Variants in FBLIM1 observed in about 807,000 individuals in gnomAD.
The protein encoded by FBLIM1 is filamin-binding LIM protein 1.
FBLIM1 carries 29 observed loss-of-function variants against 37.4 expected under a neutral mutation model. That is an observed-to-expected ratio of 0.77 (90% CI 0.58 to 1.06). The LOEUF (loss-of-function observed/expected upper bound fraction) is 1.06. Ranked by LOEUF, FBLIM1 falls within the 50% of genes least tolerant of loss-of-function variation. The pLI is 0.00. For missense variants in FBLIM1, 449 were observed against 505.6 expected, an observed-to-expected ratio of 0.89 and a Z score of 1.07; for synonymous variants, 193 against 199.0, an observed-to-expected ratio of 0.97 and a Z score of 0.25.
At chr1:15,757,393 C>T (rs928386256), upstream of FBLIM1, among the ~76,000 whole-genome samples, 1 of 152,206 alleles carries the variant, frequency 6.6e-6, no homozygotes, top group Non-Finnish European at 1.5e-5. This position sits in a 1 kb window ranked among gnomAD's most constrained non-coding sequence, Gnocchi z 4.1. Flanking sequence ...CCCTGGTGCT[C>T]ATGGCTCTTG....
Position 15,774,663 on chromosome 1 carries a change from C to G in FBLIM1, c.757C>G (p.His253Asp), listed in dbSNP as rs2069402876. Residue 253 changes from histidine to aspartate, a missense_variant, in exon 7 of 9, where the codon CAC becomes GAC. Coordinates refer to ENST00000375766, the MANE Select transcript of FBLIM1 (RefSeq NM_017556.4). Reference protein sequence around the residue: ...CGKCGEVVRDHIIRALGQAFH... With the variant: ...CGKCGEVVRDDIIRALGQAFH... ...CAAGTGTGGCGAGGTGGTCCGGGAC[C>G]ACATCATCAGGGCCCTGGGCCAGGC... The G allele has an allele frequency of 6.2e-7, 1 of 1,614,048 alleles. No homozygotes were observed. Among genetic ancestry groups the G allele is most frequent in the African/African-American group, 1.3e-5 (1 of 75,040 alleles).
At chr1:15,774,017 C>T (rs1366919005) in intron 6 of FBLIM1, among the ~76,000 whole-genome samples, 1 of 152,096 alleles carries the variant, frequency 6.6e-6, no homozygotes, top group East Asian at 1.9e-4. Flanking sequence ...CACCTGTAGT[C>T]CCAGCTACTC....
chr1:15,774,821 G>A, intron 7 of FBLIM1, 25 bp downstream of exon 7: 2 of 1,614,042 alleles, frequency 1.2e-6, no homozygotes, highest in Non-Finnish European at 1.7e-6. Context: ...TGTGCACTGG[G>A]TGGGGTGCAG....
intron 7 of FBLIM1, among the ~76,000 whole-genome samples, chr1:15,775,881 C>T (rs1030203129): frequency 6.6e-6 from 1 of 152,056 alleles, no homozygotes; most frequent in Non-Finnish European, 1.5e-5. Context: ...GGATGGAGGG[C>T]AGGATTCTCC....
Position 15,767,566 on chromosome 1 carries a change from A to G in FBLIM1, c.438+3A>G. On this transcript the variant is annotated splice_donor_region_variant and intron_variant, in intron 4 of 8. Transcript: ENST00000375766. ...CCCCGCCCCCGCCCCCACCACAGGT[A>G]CTGCCTGCCCCCCGACCCCCAGCAA... 1 of 1,046,904 alleles carries G rather than the reference A, an allele frequency of 9.6e-7. No homozygotes were observed. The highest frequency in any genetic ancestry group is 1.3e-6 in the Non-Finnish European group (1 of 754,826). The allele number at this position is 1,046,904 out of a possible 1,614,324, so 64.9% of individuals were successfully genotyped here. A position where few individuals can be genotyped will look rare whatever the true frequency, so the allele number is the denominator to read the frequency against.
chr1:15,774,126 C>G (rs1365103055), intron 6 of FBLIM1, among the ~76,000 whole-genome samples: 3 of 152,312 alleles, frequency 2.0e-5, no homozygotes, highest in Middle Eastern at 6.8e-3. Flanking sequence ...GAGCGAGACT[C>G]TGTCCCAAAA....
chr1:15,770,578 G>C lies in FBLIM1; in HGVS notation c.711G>C (p.Gln237His). 2 of 1,613,428 alleles carry C rather than the reference G, an allele frequency of 1.2e-6. No homozygotes were observed. Among genetic ancestry groups the C allele is most frequent in the Non-Finnish European group, 1.7e-6 (2 of 1,179,698 alleles). The change falls in exon 6 of 9, where the codon CAG (glutamine) becomes CAC (histidine). Residue 237 changes from glutamine to histidine, a missense_variant and splice_region_variant. Transcript: ENST00000375766. Reference sequence around the variant, plus strand: ...GACCCCTCTGCGAACCCTGCTACCAGGTAACCCCTGCAGCAGACCTCTGGG... The same window carrying C: ...GACCCCTCTGCGAACCCTGCTACCACGTAACCCCTGCAGCAGACCTCTGGG... ...DGRPLCEPCY[Q>H]DTLERCGKCG...
At chr1:15,782,504 ACCGCACAG>A (rs1404390500) in intron 8 of FBLIM1, among the ~76,000 whole-genome samples, 3 of 151,820 alleles carry the variant, frequency 2.0e-5, no homozygotes, top group Non-Finnish European at 2.9e-5. Context: ...GGTTTCAGCC[ACCGCACAG>A]CTGCCTTGCA....
chr1:15,782,103 A>AT (rs940911576), intron 8 of FBLIM1, among the ~76,000 whole-genome samples: 1 of 151,612 alleles, frequency 6.6e-6, no homozygotes, highest in African/African-American at 2.4e-5. Flanking sequence ...GATGGGATTT[A>AT]TTGTCCCCAT....
chr1:15,769,150 G>GTA (rs977472958), intron 5 of FBLIM1, among the ~76,000 whole-genome samples: 5 of 151,988 alleles, frequency 3.3e-5, no homozygotes, highest in African/African-American at 1.2e-4. Flanking sequence ...TCTTTCCTTC[G>GTA]TACATCTCAG....
chr1:15,783,558 GA>G (rs1406732888), intron 8 of FBLIM1, among the ~76,000 whole-genome samples: 6 of 144,402 alleles, frequency 4.2e-5, no homozygotes, highest in Non-Finnish European at 9.1e-5. Flanking sequence ...CTGTCTCGTA[GA>G]ACTTACGTTC....
At chr1:15,758,429 C>T (rs2068498287), upstream of FBLIM1, 2 of 152,170 alleles carry the variant, frequency 1.3e-5, no homozygotes. The surrounding 1 kb of genome is among the most constrained non-coding windows in gnomAD (Gnocchi z 6.2). Context: ...ATGAAGAACG[C>T]GAGGGGATGG....
intron 3 of FBLIM1, among the ~76,000 whole-genome samples, chr1:15,766,336 A>C (rs2148513715): frequency 6.6e-6 from 1 of 151,850 alleles, no homozygotes. Context: ...TCGCTCTGTC[A>C]CCCAAGCAGG....
rs545666516 is a variant in FBLIM1 at position 15,762,106 on chromosome 1, C to T, written c.-210-2390C>T. ...TTTATGCTTTTCTTTTTTTTTTTTTCGAGACAGAGTTTCACTCTGTCACCT... is the reference window on the plus strand; with the variant it reads ...TTTATGCTTTTCTTTTTTTTTTTTTTGAGACAGAGTTTCACTCTGTCACCT... On this transcript the variant is annotated intron_variant, in intron 1 of 8. Transcript: ENST00000375766. Among the ~76,000 whole-genome samples the T allele has an allele frequency of 4.7e-3, 688 of 145,186 alleles. 1 individual carries two copies. Among genetic ancestry groups the T allele is most frequent in the African/African-American group, 0.016 (620 of 39,414 alleles).
intron 8 of FBLIM1, among the ~76,000 whole-genome samples, chr1:15,779,054 G>T (rs971266450): frequency 6.6e-6 from 1 of 151,692 alleles, no homozygotes; most frequent in Non-Finnish European, 1.5e-5. Context: ...CCCTGCCTCA[G>T]CCTCCTGAGT....
chr1:15,764,940 T>C, intron 2 of FBLIM1, 24 bp from the exon 3 acceptor site: 1 of 1,579,626 alleles, frequency 6.3e-7, no homozygotes, highest in Non-Finnish European at 8.6e-7. Context: ...GGCAATCCTG[T>C]GCTGTACCCC....
intron 8 of FBLIM1, among the ~76,000 whole-genome samples, chr1:15,779,640 G>A (rs1289514166): frequency 6.6e-6 from 1 of 152,142 alleles, no homozygotes; most frequent in South Asian, 2.1e-4. Context: ...GAGTGTAGAG[G>A]GCTGGGGTTA....
intron 1 of FBLIM1, among the ~76,000 whole-genome samples, chr1:15,759,175 C>T (rs1000203333): frequency 9.9e-5 from 15 of 152,166 alleles, no homozygotes; most frequent in Non-Finnish European, 2.2e-4. Flanking sequence ...AGGCCGGAGT[C>T]CCGCACATGG....
At position 15,785,863 on chromosome 1, in the gene FBLIM1, G is replaced by A. The variant is rs1047332074; in HGVS notation, c.*1202G>A. On this transcript the variant is annotated 3_prime_UTR_variant, in exon 9 of 9. Transcript: ENST00000375766. ...GGGTGGTCCGCAGACACCCCGGGAT[G>A]TCAGCATCCCCCGACCTGCCTTCTG... is the stretch of plus-strand genomic sequence containing the variant. 2 of 152,290 alleles carry A rather than the reference G, an allele frequency of 1.3e-5. No homozygotes were observed. The highest frequency in any genetic ancestry group is 2.9e-5 in the Non-Finnish European group (2 of 68,116). The allele number at this position is 152,290 out of a possible 1,614,324, so 9.4% of individuals were successfully genotyped here.
Sources: allele counts gnomAD v4.1 joint callset (sites outside exome capture counted in the v4.1 genomes callset), GRCh38; gene constraint gnomAD v4.1.1; non-coding constraint Gnocchi (gnomAD v3.1); transcripts MANE v1.5; gene names NCBI Gene and HGNC (gene_info 2026-07-23, HGNC 2026-07-21).